The following ZNF425 variants were observed in gnomAD, a reference collection of about 807,000 sequenced individuals.
The protein encoded by ZNF425 is zinc finger protein 425.
In ZNF425, 21 loss-of-function variants were observed where a neutral mutation model predicts 17.0. The ratio of observed to expected loss-of-function variants is 1.23; its 90% CI spans 0.88 to 1.78. ZNF425 has a LOEUF of 1.78. Ranked by LOEUF, ZNF425 falls within the 40% of genes most tolerant of loss-of-function variation. The probability of loss-of-function intolerance (pLI) is 0.00; values close to 1 mark genes in which losing one functional copy is unlikely to be tolerated. For missense variants in ZNF425, 868 were observed against 967.3 expected (o/e 0.90, Z 1.36); for synonymous variants, 433 against 384.1 (o/e 1.13, Z -1.49).
intron 1 of ZNF425, chr7:149,125,592 G>A (rs1269616860): frequency 6.4e-6 from 1 of 155,200 alleles, no homozygotes; most frequent in Non-Finnish European, 1.4e-5. Flanking sequence ...GACACTGAAG[G>A]CAGGGACAGC....
At chr7:149,110,304 G>A (rs145927256) in intron 3 of ZNF425, among the ~76,000 whole-genome samples, 57 of 151,620 alleles carry the variant, frequency 3.8e-4, no homozygotes, top group African/African-American at 1.3e-3. Context: ...GGTAGCTCAC[G>A]CCTGTAATCC....
At chr7:149,111,590 T>TAAAAAAAAAAAAAAAAA (rs60783786) in intron 3 of ZNF425, among the ~76,000 whole-genome samples, 13 of 54,388 alleles carry the variant, frequency 2.4e-4, no homozygotes, top group Admixed American at 3.0e-4. Context: ...AGACTCTGTC[T>TAAAAAAAAAAAAAAAAA]AAAAAAAAAA....
intron 1 of ZNF425, among the ~76,000 whole-genome samples, chr7:149,123,721 C>A (rs1196111748): frequency 6.7e-6 from 1 of 150,362 alleles, no homozygotes; most frequent in Non-Finnish European, 1.5e-5. Flanking sequence ...TAGTAGAGAC[C>A]GGGTTTCGCC....
intron 1 of ZNF425, among the ~76,000 whole-genome samples, chr7:149,120,638 G>A (rs1045257753): frequency 4.6e-5 from 7 of 152,218 alleles, no homozygotes; most frequent in Non-Finnish European, 5.9e-5. Flanking sequence ...AACTGCCTAC[G>A]GTATTCAGTA....
At chr7:149,110,524 C>A (rs1361819007) in intron 3 of ZNF425, among the ~76,000 whole-genome samples, 4 of 150,700 alleles carry the variant, frequency 2.7e-5, no homozygotes, top group Non-Finnish European at 5.9e-5. Flanking sequence ...CCACACGGTG[C>A]CACTGCACTC....
chr7:149,108,892 GA>G (rs770852990), intron 3 of ZNF425, among the ~76,000 whole-genome samples: 25 of 151,604 alleles, frequency 1.6e-4, no homozygotes, highest in African/African-American at 6.0e-4. Context: ...CTCTGTCTAA[GA>G]AAAAAAATAA....
At chr7:149,118,403 T>G in intron 1 of ZNF425, 55 bp from the exon 2 acceptor site, 1 of 1,588,670 alleles carries the variant, frequency 6.3e-7, no homozygotes, top group Non-Finnish European at 8.6e-7. Context: ...ACTTTGTTTT[T>G]CAATGTCCAT....
At chr7:149,113,018 C>T (rs905252165) in intron 2 of ZNF425, among the ~76,000 whole-genome samples, 3 of 147,462 alleles carry the variant, frequency 2.0e-5, no homozygotes, top group African/African-American at 7.6e-5. Context: ...GCTCTGTCTC[C>T]CAGGCTGGAA....
Position 149,104,986 on chromosome 7 carries a change from T to G in ZNF425, c.885A>C (p.Leu295=), listed in dbSNP as rs1826055639. ...AGCAGAACGGCCGCTCCCCGCGGTGTAGACACAGGTGCTTCTTCAGGTTGG... is the reference window on the plus strand; with the variant it reads ...AGCAGAACGGCCGCTCCCCGCGGTGGAGACACAGGTGCTTCTTCAGGTTGG... The part of the protein sequence containing the change: ...YRANLKKHLC[L]HRGERPFCCG... The change falls in exon 4 of 4, where the codon CTA becomes CTC. Residue 295 remains leucine (L), a synonymous_variant. Transcript: ENST00000378061. This position sits in a 1 kb window ranked among gnomAD's most constrained non-coding sequence, Gnocchi z 4.3. 1 of 1,614,174 alleles carries G rather than the reference T, an allele frequency of 6.2e-7. No homozygotes were observed.
chr7:149,109,987 C>G (rs149141063), intron 3 of ZNF425, among the ~76,000 whole-genome samples: 2,677 of 151,746 alleles, frequency 0.018, 67 homozygotes, highest in African/African-American at 0.062. Context: ...ACCAATTCCC[C>G]TGCCTCCGCC....
At chr7:149,126,152 C>T (rs1218841873) in intron 1 of ZNF425, 44 bp downstream of exon 1, 2 of 1,612,928 alleles carry the variant, frequency 1.2e-6, no homozygotes, top group East Asian at 4.5e-5. Flanking sequence ...GCGACAGGGA[C>T]CCGAGTTTCG....
chr7:149,105,395 C>G lies in ZNF425; in HGVS notation c.476G>C (p.Ser159Thr), dbSNP rs780020138. The change falls in exon 4 of 4, where the codon AGC becomes ACC. Residue 159 changes from serine to threonine, a missense_variant. Ser to Thr is a moderately conservative substitution (Grantham distance 58). Coordinates refer to ENST00000378061, the MANE Select transcript of ZNF425 (RefSeq NM_001001661.3). Reference sequence around the variant, plus strand: ...CTTGTCTGGATCATATGCTGTGATGCTGACTTTTTTATTTAGAATCTCTGT... The same window carrying G: ...CTTGTCTGGATCATATGCTGTGATGGTGACTTTTTTATTTAGAATCTCTGT... ...RETEILNKKV[S>T]ITAYDPDKKD... 3 of 1,584,878 alleles carry G rather than the reference C, an allele frequency of 1.9e-6. No homozygotes were observed. In the South Asian group the frequency reaches 3.5e-5, roughly 18 times the overall value.
At position 149,104,018 on chromosome 7, in the gene ZNF425, G is replaced by A. The variant is rs1309626636; in HGVS notation, c.1853C>T (p.Thr618Ile). Residue 618 changes from threonine (T) to isoleucine (I), a missense_variant, in exon 4 of 4, where the codon ACT becomes ATT. Coordinates refer to ENST00000378061, the MANE Select transcript of ZNF425 (RefSeq NM_001001661.3). This position sits in a 1 kb window ranked among gnomAD's most constrained non-coding sequence, Gnocchi z 4.3. ...TTTCAGGTTTCCCTTGAGGCGGAAA[G>A]TCTTCTCGCATTCAGGACACTGGTA... Reference protein sequence around the residue: ...KPYQCPECEKTFRLKGNLKSH... With the variant: ...KPYQCPECEKIFRLKGNLKSH... The A allele has an allele frequency of 6.2e-7, 1 of 1,613,586 alleles. No individual in the cohort carries two copies. The highest frequency in any genetic ancestry group is 2.2e-5 in the East Asian group (1 of 44,874).
chr7:149,104,455 G>A lies in ZNF425; in HGVS notation c.1416C>T (p.Cys472=), dbSNP rs764989451. The change falls in exon 4 of 4, where the codon TGC becomes TGT. Residue 472 remains cysteine (C), a synonymous_variant. Transcript: ENST00000378061. The surrounding 1 kb of genome is among the most constrained non-coding windows in gnomAD (Gnocchi z 4.3). ...RLHSEQKPFP[C]AECGKRFTRP... ...GCGTGAAGCGCTTGCCGCACTCGGC[G>A]CAGGGGAAGGGCTTTTGCTCGCTGT... 3.1e-6 allele frequency: 5 copies of A among 1,600,456 alleles called. No homozygotes were observed. In the African/African-American group the frequency reaches 5.4e-5, roughly 17 times the overall value.
At chr7:149,121,117 G>A (rs1826345054) in intron 1 of ZNF425, among the ~76,000 whole-genome samples, 1 of 9,292 alleles carries the variant, frequency 1.1e-4, no homozygotes, top group Non-Finnish European at 1.9e-4. Context: ...TTTTTGAGAC[G>A]GAGTCTCGCT....
intron 2 of ZNF425, among the ~76,000 whole-genome samples, chr7:149,117,642 CTTTTTTTTTT>C (rs869026303): frequency 3.6e-5 from 2 of 54,958 alleles, no homozygotes; most frequent in African/African-American, 7.6e-5. Flanking sequence ...CTTAGTAATT[CTTTTTTTTTT>C]TTTTTTTTTT....
intron 1 of ZNF425, among the ~76,000 whole-genome samples, chr7:149,125,411 C>G (rs999147804): frequency 1.3e-5 from 2 of 152,170 alleles, no homozygotes; most frequent in African/African-American, 4.8e-5. Context: ...ACGCTAACCA[C>G]CCAATTCATT....
At chr7:149,109,451 ATTC>A (rs1424438386) in intron 3 of ZNF425, among the ~76,000 whole-genome samples, 1 of 152,020 alleles carries the variant, frequency 6.6e-6, no homozygotes, top group Non-Finnish European at 1.5e-5. Context: ...ACCCCTACTG[ATTC>A]TTCTTTCTCT....
rs757569592 is a variant in ZNF425 at position 149,114,210 on chromosome 7, C to T, written c.146-1915G>A. Among the ~76,000 whole-genome samples, 117 of 143,814 alleles carry T rather than the reference C, an allele frequency of 8.1e-4. 1 individual carries two copies. The highest frequency in any genetic ancestry group is 1.4e-3 in the Non-Finnish European group (96 of 66,312). The allele number at this position is 143,814 out of a possible 152,430, so 94.3% of individuals were successfully genotyped here. A position where few individuals can be genotyped will look rare whatever the true frequency, so the allele number is the denominator to read the frequency against. ...AGTAGGTGGGACTACAGGGGTGCAA[C>T]ACCACGCCCAGCTAATTTTTTTTTT... On this transcript the variant is annotated intron_variant, in intron 2 of 3. Coordinates refer to ENST00000378061, the MANE Select transcript of ZNF425 (RefSeq NM_001001661.3).
Sources: gnomAD v4.1 joint callset for allele counts (sites outside exome capture counted in the v4.1 genomes callset) on GRCh38, gnomAD v4.1.1 for gene constraint, Gnocchi (gnomAD v3.1) non-coding constraint, MANE v1.5 for transcripts, NCBI Gene and HGNC (gene_info 2026-07-23, HGNC 2026-07-21) for gene names.